The following PTPRK variants were observed in gnomAD, a reference collection of about 807,000 sequenced individuals.
PTPRK encodes the protein protein tyrosine phosphatase receptor type K.
PTPRK carries 75 observed loss-of-function variants against 178.0 expected under a neutral mutation model. The observed-to-expected ratio is 0.42, with a 90% CI of 0.35 to 0.51. PTPRK has a LOEUF of 0.51. Among genes scored for constraint, PTPRK ranks in the 20% least tolerant of loss-of-function variants. The probability of loss-of-function intolerance (pLI) is 0.02; values close to 1 mark genes in which losing one functional copy is unlikely to be tolerated. For synonymous variants in PTPRK, 637 were observed against 620.6 expected (o/e 1.03, Z -0.39); for missense variants, 1,441 against 1,797.8 (o/e 0.80, Z 3.59).
At chr6:127,992,785 A>C in intron 18 of PTPRK, 76 bp from the exon 19 acceptor site, 2 of 1,175,578 alleles carry the variant, frequency 1.7e-6, no homozygotes, top group Non-Finnish European at 1.2e-6. Flanking sequence ...AAAAAGATGA[A>C]GACAACCACC....
At chr6:128,487,161 C>T (rs1853064517) in intron 1 of PTPRK, among the ~76,000 whole-genome samples, 1 of 142,520 alleles carries the variant, frequency 7.0e-6, no homozygotes, top group African/African-American at 2.6e-5. Flanking sequence ...TGAGCGCTGA[C>T]ATTTTAAATT....
intron 7 of PTPRK, among the ~76,000 whole-genome samples, chr6:128,136,819 C>T (rs867586977): frequency 6.6e-6 from 1 of 152,128 alleles, no homozygotes; most frequent in African/African-American, 2.4e-5. Flanking sequence ...CTTCATATGC[C>T]CTTCTGTAAT....
rs767114634 is a variant in PTPRK, at chr6:128,078,891, A to T, written c.1805T>A (p.Val602Asp). ...SAPTLPDYEG[V>D]DASLNETATT... ...GGCAGTTTCATTGAGAGAGGCATCA[A>T]CTCCTTCATAGTCAGGTAAAGTTGG... is the stretch of plus-strand genomic sequence containing the variant. Residue 602 changes from valine (V) to aspartate (D), a missense_variant, in exon 11 of 30, where the codon GTT (valine) becomes GAT (aspartate). By Grantham distance (152) the Val-to-Asp change is radical. This residue lies in a region of PTPRK where 945 missense variants were observed against 1,080.6 expected (regional missense o/e 0.87). Coordinates refer to ENST00000368226, the MANE Select transcript of PTPRK (RefSeq NM_002844.4). 1 of 1,611,696 alleles carries T rather than the reference A, an allele frequency of 6.2e-7. No homozygotes were observed. The highest frequency in any genetic ancestry group is 8.5e-7 in the Non-Finnish European group (1 of 1,178,298).
At chr6:128,247,586 T>C (rs915847859) in intron 3 of PTPRK, among the ~76,000 whole-genome samples, 15 of 152,220 alleles carry the variant, frequency 9.9e-5, no homozygotes, top group African/African-American at 3.6e-4. Context: ...CCCAAACTGC[T>C]GGGATTACAG....
chr6:128,460,038 A>C (rs1469308636), intron 1 of PTPRK, among the ~76,000 whole-genome samples: 1 of 152,134 alleles, frequency 6.6e-6, no homozygotes, highest in Non-Finnish European at 1.5e-5. Context: ...GGAGAACAGC[A>C]CTAGGGGGAT....
At chr6:128,408,885 C>T (rs1298278186) in intron 1 of PTPRK, among the ~76,000 whole-genome samples, 10 of 152,284 alleles carry the variant, frequency 6.6e-5, no homozygotes, top group Admixed American at 1.3e-4. Context: ...ATAGTCAATT[C>T]ATGTGGAGAA....
chr6:128,457,613 A>G (rs1444948272), intron 1 of PTPRK, among the ~76,000 whole-genome samples: 2 of 152,152 alleles, frequency 1.3e-5, no homozygotes, highest in Non-Finnish European at 2.9e-5. Flanking sequence ...TGACTACTTG[A>G]ATACAAAGAC....
At chr6:128,193,217 A>G (rs1459554868) in intron 6 of PTPRK, among the ~76,000 whole-genome samples, 2 of 151,386 alleles carry the variant, frequency 1.3e-5, no homozygotes, top group East Asian at 3.9e-4. Context: ...GACTGGAACA[A>G]AAGAACACAT....
In PTPRK at chr6:128,023,409, T is replaced by C. The variant is rs111869598; in HGVS notation, c.2195-14141A>G. 9.3e-3 allele frequency among the ~76,000 whole-genome samples: 1,419 copies of C among 152,236 alleles called. 20 individuals are homozygous for C. The highest frequency in any genetic ancestry group is 0.032 in the African/African-American group (1,339 of 41,544). On this transcript the variant is annotated intron_variant, in intron 13 of 29. Transcript: ENST00000368226. ...ACCTCTCTGGATGCTAGATTGGTAG[T>C]GTCAGCCCCTCCTAACTTTCTCAAC...
intron 1 of PTPRK, among the ~76,000 whole-genome samples, chr6:128,460,620 G>T (rs1055606849): frequency 7.9e-5 from 12 of 152,090 alleles, no homozygotes; most frequent in African/African-American, 2.9e-4. Flanking sequence ...CCAATTTGGG[G>T]GTGTTCCTTC....
At chr6:128,361,108 C>T (rs1210538500) in intron 2 of PTPRK, among the ~76,000 whole-genome samples, 1 of 152,098 alleles carries the variant, frequency 6.6e-6, no homozygotes, top group Non-Finnish European at 1.5e-5. Context: ...TAGAATGTTT[C>T]ATATTTAGCA....
chr6:128,412,347 A>G (rs1842402810), intron 1 of PTPRK, among the ~76,000 whole-genome samples: 1 of 152,192 alleles, frequency 6.6e-6, no homozygotes. Context: ...AACAACCTAA[A>G]AAGTTGGGCA....
At chr6:128,505,624 T>C (rs1045287135) in intron 1 of PTPRK, among the ~76,000 whole-genome samples, 2 of 152,130 alleles carry the variant, frequency 1.3e-5, no homozygotes, top group African/African-American at 2.4e-5. Flanking sequence ...AAAGAGCTTC[T>C]CCGGTAAGAA....
intron 6 of PTPRK, among the ~76,000 whole-genome samples, chr6:128,216,941 C>T (rs531949757): frequency 1.2e-4 from 18 of 152,266 alleles, no homozygotes; most frequent in South Asian, 4.1e-4. Context: ...ATGTATTATA[C>T]ATCACTGTTA....
rs139085431 is a variant in PTPRK at position 128,109,124 on chromosome 6, C to G, written c.1163-19132G>C. ...TGTCAATGATTATATTTAATTTATA[C>G]TGTTAAAACAATAGCTTGTAAAACA... On this transcript the variant is annotated intron_variant, in intron 7 of 29. Transcript: ENST00000368226. 2.8e-3 allele frequency among the ~76,000 whole-genome samples: 422 copies of G among 152,190 alleles called. 2 individuals carry two copies. Among genetic ancestry groups the G allele is most frequent in the African/African-American group, 9.9e-3 (411 of 41,520 alleles).
Position 128,322,235 on chromosome 6 carries a change from T to A in PTPRK, c.299A>T (p.Glu100Val), listed in dbSNP as rs765081328. The A allele has an allele frequency of 6.2e-7, 1 of 1,613,436 alleles. No individual in the cohort carries two copies. Among genetic ancestry groups the A allele is most frequent in the South Asian group, 1.1e-5 (1 of 91,060 alleles). ...KARLQLPTMK[E>V]NDTHCIDFSY... The stretch of plus-strand genomic sequence containing the variant: ...GAAATCAATGCAGTGAGTGTCGTTC[T>A]CCTTCATTGTAGGCAGCTGAAGTCT... Residue 100 changes from glutamate (E) to valine (V), a missense_variant, in exon 3 of 30, where the codon GAG (glutamate) becomes GTG (valine). By Grantham distance (121) the Glu-to-Val change is moderately radical (BLOSUM62 -2). This residue lies in a region of PTPRK where 158 missense variants were observed against 188.0 expected (regional missense o/e 0.84). Transcript: ENST00000368226.
chr6:128,283,492 T>C (rs931397583), intron 3 of PTPRK, among the ~76,000 whole-genome samples: 3 of 152,176 alleles, frequency 2.0e-5, no homozygotes, highest in African/African-American at 7.2e-5. Context: ...GAGGGCTTTT[T>C]AGAAAGCATG....
intron 2 of PTPRK, among the ~76,000 whole-genome samples, chr6:128,371,728 A>T (rs1836315676): frequency 6.6e-6 from 1 of 152,170 alleles, no homozygotes; most frequent in African/African-American, 2.4e-5. Context: ...GGCCAAATGC[A>T]GCCAGGCACC....
intron 3 of PTPRK, among the ~76,000 whole-genome samples, chr6:128,291,545 C>T (rs562865392): frequency 5.9e-5 from 9 of 152,122 alleles, no homozygotes; most frequent in East Asian, 5.8e-4. Context: ...ATTCAAAATC[C>T]CTGTACTTTC....
Sources: gnomAD v4.1 joint callset for allele counts (sites outside exome capture counted in the v4.1 genomes callset) on GRCh38, gnomAD v4.1.1 for gene constraint, gnomAD v4.1.1 regional missense constraint, MANE v1.5 for transcripts, NCBI Gene and HGNC (gene_info 2026-07-23, HGNC 2026-07-21) for gene names.